SYNPR: variants seen among roughly 807,000 people sequenced by gnomAD.
SYNPR encodes the protein synaptoporin.
Under a neutral mutation model 32.9 loss-of-function variants are expected in SYNPR, and 23 were observed. The ratio of observed to expected loss-of-function variants is 0.70; its 90% CI spans 0.50 to 0.99. The LOEUF is 0.99. Ranked by LOEUF, SYNPR falls within the 50% of genes least tolerant of loss-of-function variation. SYNPR has a pLI of 0.00. For synonymous variants in SYNPR, 146 were observed against 135.9 expected (o/e 1.07, Z -0.52); for missense variants, 318 against 349.3 (o/e 0.91, Z 0.71).
At chr3:63,250,220 G>A (rs1181121248) in intron 1 of SYNPR, among the ~76,000 whole-genome samples, 2 of 152,106 alleles carry the variant, frequency 1.3e-5, no homozygotes, top group Non-Finnish European at 2.9e-5. Context: ...GTAAATGTTT[G>A]AGGTAATGGA....
At chr3:63,568,854 T>C (rs1301457375) in intron 4 of SYNPR, among the ~76,000 whole-genome samples, 3 of 152,174 alleles carry the variant, frequency 2.0e-5, no homozygotes, top group Admixed American at 6.5e-5. Flanking sequence ...TGATTGCTGG[T>C]TTGATTTAGG....
chr3:63,371,450 AC>A (rs1399802024), intron 2 of SYNPR, among the ~76,000 whole-genome samples: 2 of 152,194 alleles, frequency 1.3e-5, no homozygotes, highest in African/African-American at 4.8e-5. Flanking sequence ...TTCAGGTTTC[AC>A]CTTGCAGGAT....
chr3:63,218,316 A>G, the SYNPR span, among the ~76,000 whole-genome samples: 3,700 of 152,238 alleles, frequency 0.024, 162 homozygotes, highest in African/African-American at 0.085. Flanking sequence ...ATTGTTCTCT[A>G]AAAGTTGCTA....
chr3:63,486,846 T>C (rs759367073), intron 3 of SYNPR, among the ~76,000 whole-genome samples: 17 of 152,146 alleles, frequency 1.1e-4, no homozygotes, highest in Non-Finnish European at 2.5e-4. Context: ...AGAATCTTAG[T>C]ATATATGGGA....
chr3:63,482,535 G>A (rs1341766735), intron 3 of SYNPR, among the ~76,000 whole-genome samples: 1 of 152,054 alleles, frequency 6.6e-6, no homozygotes, highest in Non-Finnish European at 1.5e-5. Flanking sequence ...TACAGCCCCT[G>A]TAAGATCTCC....
At chr3:63,608,609 A>G (rs1189677991) in intron 4 of SYNPR, among the ~76,000 whole-genome samples, 1 of 152,212 alleles carries the variant, frequency 6.6e-6, no homozygotes, top group Non-Finnish European at 1.5e-5. Flanking sequence ...TGAATGAATG[A>G]ATGAATGAGT....
chr3:63,455,199 C>T (rs566469381), intron 2 of SYNPR, among the ~76,000 whole-genome samples: 2 of 152,044 alleles, frequency 1.3e-5, no homozygotes, highest in African/African-American at 2.4e-5. Flanking sequence ...AATGCTATTA[C>T]TTAATAATTG....
chr3:63,434,445 T>C (rs894506228), intron 2 of SYNPR, among the ~76,000 whole-genome samples: 1 of 152,228 alleles, frequency 6.6e-6, no homozygotes, highest in Non-Finnish European at 1.5e-5. Context: ...GTCTCATCAA[T>C]ACACTCAGTT....
At chr3:63,234,108 C>G (rs1057093001) in intron 1 of SYNPR, among the ~76,000 whole-genome samples, 2 of 152,102 alleles carry the variant, frequency 1.3e-5, no homozygotes, top group African/African-American at 4.8e-5. Flanking sequence ...TAATGGACTT[C>G]CATTTCCACA....
At chr3:63,494,347 T>C (rs776838483) in intron 3 of SYNPR, among the ~76,000 whole-genome samples, 6 of 144,604 alleles carry the variant, frequency 4.1e-5, no homozygotes, top group Non-Finnish European at 9.1e-5. Flanking sequence ...CTCAGCCAAA[T>C]ACAAATGAAG....
At chr3:63,458,966 C>CTA (rs1311591613) in intron 2 of SYNPR, among the ~76,000 whole-genome samples, 7 of 152,048 alleles carry the variant, frequency 4.6e-5, no homozygotes, top group Admixed American at 1.3e-4. Context: ...CCACCAAATG[C>CTA]TATAAGAATC....
At chr3:63,227,488 C>T (rs1407064149), upstream of SYNPR, among the ~76,000 whole-genome samples, 1 of 152,098 alleles carries the variant, frequency 6.6e-6, no homozygotes, top group Non-Finnish European at 1.5e-5. Context: ...AAACTACGGT[C>T]ACTTAATCTA....
rs1182064134 is a variant in SYNPR, at chr3:63,556,534, G to T, written c.210-9G>T. 1.2e-6 allele frequency: 2 copies of T among 1,602,160 alleles called. No homozygotes were observed. The highest frequency in any genetic ancestry group is 3.4e-5 in the Admixed American group (2 of 58,150). On this transcript the variant is annotated splice_polypyrimidine_tract_variant and intron_variant, in intron 3 of 5. Transcript: ENST00000478300. Reference sequence around the variant, plus strand: ...TTTAAAGAATGTCTCCTTAAATCTGGCAATTTAGGTTGCACCAGGTGACGT... The same window carrying T: ...TTTAAAGAATGTCTCCTTAAATCTGTCAATTTAGGTTGCACCAGGTGACGT...
At chr3:63,274,427 T>G (rs1575582778), upstream of SYNPR, among the ~76,000 whole-genome samples, 1 of 152,232 alleles carries the variant, frequency 6.6e-6, no homozygotes, top group African/African-American at 2.4e-5. Context: ...GAACAAGATT[T>G]AATTTGCCTG....
chr3:63,367,068 A>G (rs2087735797), intron 2 of SYNPR, among the ~76,000 whole-genome samples: 1 of 152,218 alleles, frequency 6.6e-6, no homozygotes, highest in African/African-American at 2.4e-5. Context: ...TTGTGGGCAT[A>G]CCTGGAAATT....
At chr3:63,413,610 T>C (rs2088498765) in intron 2 of SYNPR, among the ~76,000 whole-genome samples, 1 of 152,184 alleles carries the variant, frequency 6.6e-6, no homozygotes, top group African/African-American at 2.4e-5. Flanking sequence ...CAAATACCAC[T>C]TTGGCAGAGT....
chr3:63,606,575 C>G (rs1700126761), intron 4 of SYNPR, among the ~76,000 whole-genome samples: 1 of 151,608 alleles, frequency 6.6e-6, no homozygotes, highest in South Asian at 2.1e-4. Context: ...GGACTACAGT[C>G]ATGCCCCACC....
chr3:63,425,160 C>A (rs77409112), intron 2 of SYNPR, among the ~76,000 whole-genome samples: 1 of 152,072 alleles, frequency 6.6e-6, no homozygotes, highest in Non-Finnish European at 1.5e-5. Context: ...ACGATATAAA[C>A]ATCAGGGAGG....
At position 63,417,647 on chromosome 3, in the gene SYNPR, C is replaced by T. The variant is rs150453577; in HGVS notation, c.85-63185C>T. Among the ~76,000 whole-genome samples the T allele has an allele frequency of 4.7e-3, 712 of 152,374 alleles. 6 individuals are homozygous for T. Among genetic ancestry groups the T allele is most frequent in the African/African-American group, 0.017 (687 of 41,592 alleles). On this transcript the variant is annotated intron_variant, in intron 2 of 5. Coordinates refer to ENST00000478300, the MANE Select transcript of SYNPR (RefSeq NM_001130003.2). ...GGCATTTCCATACATCCTCTGAAATCTAGGTGGAGGTTTCCAAACCCCAAT... is the reference window on the plus strand; with the variant it reads ...GGCATTTCCATACATCCTCTGAAATTTAGGTGGAGGTTTCCAAACCCCAAT...
Sources: allele counts gnomAD v4.1 joint callset (sites outside exome capture counted in the v4.1 genomes callset), GRCh38; gene constraint gnomAD v4.1.1; transcripts MANE v1.5; gene names NCBI Gene and HGNC (gene_info 2026-07-23, HGNC 2026-07-21).